The following GPATCH3 variants were observed in gnomAD, a reference collection of about 807,000 sequenced individuals.
GPATCH3 encodes G patch domain-containing protein 3.
GPATCH3 carries 45 observed loss-of-function variants against 53.2 expected under a neutral mutation model. The observed-to-expected ratio is 0.85, with a 90% CI of 0.67 to 1.08. The LOEUF (loss-of-function observed/expected upper bound fraction) is 1.08. Ranked by LOEUF, GPATCH3 falls within the 50% of genes least tolerant of loss-of-function variation. The pLI is 0.00. For synonymous variants in GPATCH3, 280 were observed against 270.6 expected (o/e 1.03, Z -0.34); for missense variants, 680 against 687.2 (o/e 0.99, Z 0.12).
In GPATCH3 at chr1:26,893,399, G is replaced by C; in HGVS notation, c.1101C>G (p.Tyr367Ter). ...ADDWDVDMSV[Y>*]YDRDGGDKDA... is the part of the protein sequence containing the mutation. Reference sequence around the variant, plus strand: ...CTCCTTGCCCAGTACCTCTGTCATAGTACACACTCATGTCCACATCCCAGT... The same window carrying C: ...CTCCTTGCCCAGTACCTCTGTCATACTACACACTCATGTCCACATCCCAGT... Residue 367 changes from tyrosine (Y) to a stop codon, truncating the protein, a stop_gained, in exon 4 of 7, where the codon TAC becomes TAG. Transcript: ENST00000361720. LOFTEE classifies it high-confidence loss of function. 1 of 1,612,496 alleles carries C rather than the reference G, an allele frequency of 6.2e-7. No individual in the cohort carries two copies. Among genetic ancestry groups the C allele is most frequent in the Non-Finnish European group, 8.5e-7 (1 of 1,178,734 alleles).
intron 1 of GPATCH3, among the ~76,000 whole-genome samples, chr1:26,899,111 C>T (rs1042111460): frequency 1.2e-4 from 19 of 152,218 alleles, no homozygotes; most frequent in Admixed American, 9.8e-4. Context: ...TGGAAAGCCA[C>T]ATTTCATGAT....
At chr1:26,895,468 G>C (rs374662918) in intron 2 of GPATCH3, among the ~76,000 whole-genome samples, 5 of 146,844 alleles carry the variant, frequency 3.4e-5, no homozygotes, top group South Asian at 4.5e-4. Flanking sequence ...AGGTTGCAGT[G>C]AGCTGAGATT....
chr1:26,894,592 T>C (rs2081942884), intron 2 of GPATCH3, among the ~76,000 whole-genome samples, 182 bp from the exon 3 acceptor site: 1 of 152,152 alleles, frequency 6.6e-6, no homozygotes, highest in African/African-American at 2.4e-5. Flanking sequence ...CTCAACAGTT[T>C]GCTCCTGTCC....
At chr1:26,891,532 AGTC>A (rs145125369) in intron 6 of GPATCH3, among the ~76,000 whole-genome samples, 5,108 of 147,028 alleles carry the variant, frequency 0.035, 97 homozygotes, top group African/African-American at 0.053. Flanking sequence ...AAAAAAAAAA[AGTC>A]AGATTTACTT....
At chr1:26,896,836 C>T (rs1260732996) in intron 2 of GPATCH3, among the ~76,000 whole-genome samples, 1 of 151,968 alleles carries the variant, frequency 6.6e-6, no homozygotes, top group Non-Finnish European at 1.5e-5. Flanking sequence ...TCCTGGCTAA[C>T]ACAGTGAAAC....
intron 2 of GPATCH3, among the ~76,000 whole-genome samples, chr1:26,894,859 T>C (rs942769683): frequency 1.3e-5 from 2 of 152,186 alleles, no homozygotes; most frequent in Admixed American, 6.5e-5. Context: ...TAATGCTTAT[T>C]GTCTCTGGTG....
At position 26,897,582 on chromosome 1, in the gene GPATCH3, G is replaced by A; in HGVS notation, c.595C>T (p.Leu199=). ...CGGATCAACTCCAAAAAGACCCGCA[G>A]GGGAGTCCCCACATTCCCTCTGGGC... ...LMPRGNVGTP[L]RVFLELIRAC... Residue 199 remains leucine (L), a synonymous_variant, in exon 2 of 7, where the codon CTG becomes TTG. Coordinates refer to ENST00000361720, the MANE Select transcript of GPATCH3 (RefSeq NM_022078.3). 8 of 1,614,196 alleles carry A rather than the reference G, an allele frequency of 5.0e-6. No homozygotes were observed. The highest frequency in any genetic ancestry group is 6.8e-6 in the Non-Finnish European group (8 of 1,180,040).
chr1:26,894,681 T>G (rs2081943250), intron 2 of GPATCH3, among the ~76,000 whole-genome samples: 1 of 151,994 alleles, frequency 6.6e-6, no homozygotes, highest in African/African-American at 2.4e-5. Flanking sequence ...CCCACACCCT[T>G]CTCTTCTCCA....
chr1:26,891,795 C>A (rs2081927621), intron 6 of GPATCH3, among the ~76,000 whole-genome samples: 1 of 152,064 alleles, frequency 6.6e-6, no homozygotes, highest in South Asian at 2.1e-4. Context: ...GCAACCTCTG[C>A]CTCCTGGGTT....
intron 3 of GPATCH3, among the ~76,000 whole-genome samples, chr1:26,893,848 A>C (rs1478967918): frequency 1.3e-5 from 2 of 151,680 alleles, no homozygotes; most frequent in African/African-American, 4.8e-5. Flanking sequence ...AGAAGGTCTC[A>C]CTCTGTCCCC....
rs2081967898 is a variant in GPATCH3, at chr1:26,900,003, G to A, written c.440C>T (p.Thr147Met). ...RCLIRRLRLP[T>M]EASGLGSFPF... ...TTTCTCACTCTTACCTGATGCCTCC[G>A]TAGGTAGCCGAAGTCTGCGGATGAG... Residue 147 changes from threonine to methionine, a missense_variant, in exon 1 of 7, where the codon ACG becomes ATG. Physicochemically the swap from Thr to Met is moderately conservative, Grantham distance 81. Transcript: ENST00000361720. 1.2e-6 allele frequency: 2 copies of A among 1,614,132 alleles called. No homozygotes were observed. Among genetic ancestry groups the A allele is most frequent in the East Asian group, 2.2e-5 (1 of 44,882 alleles).
chr1:26,899,167 T>G (rs2081963690), intron 1 of GPATCH3, among the ~76,000 whole-genome samples: 2 of 152,206 alleles, frequency 1.3e-5, no homozygotes, highest in African/African-American at 4.8e-5. Context: ...CTCACAGCAC[T>G]TGGTGATAAA....
chr1:26,892,748 C>G lies in GPATCH3; in HGVS notation c.1155G>C (p.Leu385=). 1.9e-6 allele frequency: 3 copies of G among 1,614,166 alleles called. No homozygotes were observed. Among genetic ancestry groups the G allele is most frequent in the Non-Finnish European group, 2.5e-6 (3 of 1,180,022 alleles). Residue 385 remains leucine, a synonymous_variant, in exon 5 of 7, where the codon CTG becomes CTC. Coordinates refer to ENST00000361720, the MANE Select transcript of GPATCH3 (RefSeq NM_022078.3). Reference sequence around the variant, plus strand: ...CCTGTCCATCTCGGAGTCTCTGTTCCAGACGCATTTGGACAGAGTCTCGGG... The same window carrying G: ...CCTGTCCATCTCGGAGTCTCTGTTCGAGACGCATTTGGACAGAGTCTCGGG... The part of the protein sequence containing the change: ...KDARDSVQMR[L]EQRLRDGQED...
rs545737923 is a variant in GPATCH3, at chr1:26,900,237, G to A, written c.206C>T (p.Thr69Ile). The A allele has an allele frequency of 3.1e-6, 5 of 1,614,150 alleles. No individual in the cohort carries two copies. In the African/African-American group the frequency reaches 4.0e-5, roughly 13 times the overall value. Residue 69 changes from threonine to isoleucine, a missense_variant, in exon 1 of 7, where the codon ACC (threonine) becomes ATC (isoleucine). Transcript: ENST00000361720. ...AAGCTGGCCCTCAGCGGCTGGGTCG[G>A]TAGGAATTAGGGCAGAGTTAGGAGC... Reference protein sequence around the residue: ...QAAPNSALIPTDPAAEGQLLS... With the variant: ...QAAPNSALIPIDPAAEGQLLS...
rs987455897 is a variant in GPATCH3, at chr1:26,891,118, C to T, written c.1470G>A (p.Thr490=). The T allele has an allele frequency of 1.1e-5, 18 of 1,613,972 alleles. No individual in the cohort carries two copies. The highest frequency in any genetic ancestry group is 6.7e-5 in the Admixed American group (4 of 59,972). Residue 490 remains threonine (T), a synonymous_variant, in exon 7 of 7, where the codon ACG becomes ACA. Coordinates refer to ENST00000361720, the MANE Select transcript of GPATCH3 (RefSeq NM_022078.3). ...GTGGCTGGCGGCGGAGCAGTGACTC[C>T]GTCTGGTCTTGGGGTAGAGGCTCAT... is the stretch of plus-strand genomic sequence containing the variant. The part of the protein sequence containing the change: ...IYDEPLPQDQ[T]ESLLRRQPPT...
intron 2 of GPATCH3, among the ~76,000 whole-genome samples, chr1:26,896,956 A>G (rs2081953558): frequency 6.6e-6 from 1 of 151,204 alleles, no homozygotes; most frequent in Non-Finnish European, 1.5e-5. Flanking sequence ...CAGGAGGCAG[A>G]GCTTGCAGTG....
chr1:26,894,527 T>C, intron 2 of GPATCH3, 117 bp from the exon 3 acceptor site: 1 of 977,170 alleles, frequency 1.0e-6, no homozygotes, highest in Non-Finnish European at 1.6e-6. Context: ...TTCAGATTTC[T>C]CCAAGAAGCA....
chr1:26,899,891 T>TA, intron 1 of GPATCH3, 101 bp downstream of exon 1: 1 of 1,037,782 alleles, frequency 9.6e-7, no homozygotes, highest in Non-Finnish European at 1.4e-6. Context: ...ACTAAACTCA[T>TA]AGAGTCCTAA....
At position 26,897,632 on chromosome 1, in the gene GPATCH3, G is replaced by A. The variant is rs149600354; in HGVS notation, c.545C>T (p.Pro182Leu). 2.0e-4 allele frequency: 322 copies of A among 1,614,144 alleles called. No homozygotes were observed. The highest frequency in any genetic ancestry group is 2.4e-4 in the Non-Finnish European group (283 of 1,180,014). ...AFTLADLKQL[P>L]ELNPPVLMPR... ...CATCAGCACTGGTGGGTTCAGCTCC[G>A]GCAGTTGCTTCAGGTCAGCCAGGGT... is the stretch of plus-strand genomic sequence containing the variant. Residue 182 changes from proline to leucine, a missense_variant, in exon 2 of 7, where the codon CCG becomes CTG. By Grantham distance (98) the Pro-to-Leu change is moderately conservative (BLOSUM62 -3). Transcript: ENST00000361720.
Sources: allele counts gnomAD v4.1 joint callset (sites outside exome capture counted in the v4.1 genomes callset), GRCh38; gene constraint gnomAD v4.1.1; transcripts MANE v1.5; gene names NCBI Gene and HGNC (gene_info 2026-07-23, HGNC 2026-07-21).